CR1: variants seen among roughly 807,000 people sequenced by gnomAD.
CR1 encodes the protein complement C3b/C4b receptor 1 (Knops blood group).
In CR1, 116 loss-of-function variants were observed where a neutral mutation model predicts 187.3. The observed-to-expected ratio is 0.62, with a 90% CI of 0.53 to 0.72. The LOEUF is 0.72. CR1 is among the 30% of genes least tolerant of loss of function. The pLI, the probability that CR1 is intolerant of heterozygous loss-of-function variation, is 0.00. For missense variants in CR1, 1,731 were observed against 2,110.7 expected, an observed-to-expected ratio of 0.82 and a Z score of 3.52; for synonymous variants, 576 against 747.1, an observed-to-expected ratio of 0.77 and a Z score of 3.73.
rs545912207 is a variant in CR1 at position 207,574,100 on chromosome 1, C to A, written c.4452-1495C>A. ...GTGAGCCTTGATGGCAACCTGCACT[C>A]CAGCCTGGATGACAGAATGAGACCC... On this transcript the variant is annotated intron_variant, in intron 27 of 46. Transcript: ENST00000367049. 4.1e-4 allele frequency among the ~76,000 whole-genome samples: 62 copies of A among 152,230 alleles called. 1 individual carries two copies. The highest frequency in any genetic ancestry group is 1.5e-3 in the African/African-American group (61 of 41,526).
chr1:207,521,542 A>G lies in CR1; in HGVS notation c.488-2069A>G, dbSNP rs139099153. On this transcript the variant is annotated intron_variant, in intron 4 of 46. Transcript: ENST00000367049. ...TCTTTCAGAGTCTAACCTGCTATTA[A>G]TCTCACACAAATTCTTAATTTCAGC... is the stretch of plus-strand genomic sequence containing the variant. Among the ~76,000 whole-genome samples, 6 of 150,428 alleles carry G rather than the reference A, an allele frequency of 4.0e-5. No individual in the cohort carries two copies. In the East Asian group the frequency reaches 1.2e-3, roughly 29 times the overall value.
chr1:207,577,450 T>A (rs780767824), intron 28 of CR1, among the ~76,000 whole-genome samples: 4 of 152,086 alleles, frequency 2.6e-5, no homozygotes, highest in Non-Finnish European at 5.9e-5. Context: ...ACAAAACTGT[T>A]AGCAAAATTT....
At chr1:207,602,356 A>G (rs1661630177) in intron 35 of CR1, among the ~76,000 whole-genome samples, 1 of 152,284 alleles carries the variant, frequency 6.6e-6, no homozygotes, top group East Asian at 1.9e-4. Context: ...TCTCTGGCTC[A>G]TTTGCTAATA....
chr1:207,622,103 A>C, intron 44 of CR1, 107 bp downstream of exon 44: 1 of 793,656 alleles, frequency 1.3e-6, no homozygotes, highest in South Asian at 2.1e-5. Context: ...CTTGAGGTGT[A>C]AAGAGATCAA....
chr1:207,512,075 A>G (rs2102289471), intron 4 of CR1, among the ~76,000 whole-genome samples: 1 of 152,356 alleles, frequency 6.6e-6, no homozygotes, highest in East Asian at 1.9e-4. Context: ...GGCCCCATGC[A>G]CTATAAACCT....
rs1174465464 is a variant in CR1, at chr1:207,612,001, C to G, written c.6535C>G (p.Leu2179Val). Residue 2179 changes from leucine to valine, a missense_variant, in exon 39 of 47, where the codon CTC (leucine) becomes GTC (valine). By Grantham distance (32) the Leu-to-Val change is conservative. This residue lies in a region of CR1 where 1,312 missense variants were observed against 1,379.6 expected (regional missense o/e 0.95). Transcript: ENST00000367049. ...PHGRVLLPLN[L>V]QLGAKVSFVC... Reference sequence around the variant, plus strand: ...TGGCCGTGTGCTACTTCCACTTAATCTCCAGCTTGGGGCAAAGGTGTCCTT... The same window carrying G: ...TGGCCGTGTGCTACTTCCACTTAATGTCCAGCTTGGGGCAAAGGTGTCCTT... The G allele has an allele frequency of 6.2e-7, 1 of 1,614,010 alleles. No individual in the cohort carries two copies. Among genetic ancestry groups the G allele is most frequent in the East Asian group, 2.2e-5 (1 of 44,876 alleles).
At chr1:207,574,051 T>A (rs1660659208) in intron 27 of CR1, among the ~76,000 whole-genome samples, 1 of 152,198 alleles carries the variant, frequency 6.6e-6, no homozygotes, top group Non-Finnish European at 1.5e-5. Flanking sequence ...GAGGATCACC[T>A]GAGCCCAGGA....
At chr1:207,615,537 T>C (rs1479974125) in intron 40 of CR1, among the ~76,000 whole-genome samples, 1 of 152,220 alleles carries the variant, frequency 6.6e-6, no homozygotes, top group Non-Finnish European at 1.5e-5. Context: ...AACTCTTAGA[T>C]AAAAGTACAT....
intron 39 of CR1, among the ~76,000 whole-genome samples, chr1:207,613,232 G>A (rs1661991249): frequency 6.6e-6 from 1 of 152,188 alleles, no homozygotes; most frequent in South Asian, 2.1e-4. Flanking sequence ...ACACGAGGGT[G>A]GACCCCAGAT....
chr1:207,587,482 G>A lies in CR1; in HGVS notation c.5627G>A (p.Cys1876Tyr), dbSNP rs376393868. 2 of 1,613,982 alleles carry A rather than the reference G, an allele frequency of 1.2e-6. No homozygotes were observed. The highest frequency in any genetic ancestry group is 1.7e-6 in the Non-Finnish European group (2 of 1,179,842). ...FPVGTSLNYE[C>Y]RPGYFGKMFS... ...GTCGGGACATCTTTGAATTATGAATGCCGTCCTGGGTATTTTGGGAAAATG... is the reference window on the plus strand; with the variant it reads ...GTCGGGACATCTTTGAATTATGAATACCGTCCTGGGTATTTTGGGAAAATG... Residue 1876 changes from cysteine to tyrosine, a missense_variant, in exon 34 of 47, where the codon TGC becomes TAC. By Grantham distance (194) the Cys-to-Tyr change is radical (BLOSUM62 -2). Around this residue, in one of 5 missense-constraint regions of CR1, gnomAD observed 1,312 missense variants for 1,379.6 expected, o/e 0.95. Transcript: ENST00000367049.
intron 46 of CR1, among the ~76,000 whole-genome samples, chr1:207,637,450 C>T (rs1366424597): frequency 6.6e-6 from 1 of 152,132 alleles, no homozygotes; most frequent in Non-Finnish European, 1.5e-5. Context: ...GCAAGGTTTC[C>T]CTTTAGGTCT....
intron 29 of CR1, among the ~76,000 whole-genome samples, chr1:207,578,638 AT>A (rs1401230006): frequency 6.6e-6 from 1 of 152,236 alleles, no homozygotes; most frequent in Admixed American, 6.5e-5. Context: ...CAGAGGTTAA[AT>A]AAATTAGCTA....
intron 35 of CR1, 110 bp from the exon 36 acceptor site, chr1:207,607,141 T>C (rs1403410466): frequency 2.6e-6 from 2 of 773,504 alleles, no homozygotes; most frequent in South Asian, 1.7e-5. Context: ...AGGTCTGCCA[T>C]GGTGTAATCT....
At chr1:207,614,812 A>AATTTTT (rs1192072379) in intron 40 of CR1, among the ~76,000 whole-genome samples, 4 of 151,992 alleles carry the variant, frequency 2.6e-5, no homozygotes, top group East Asian at 1.9e-4. Context: ...ATCTTTCTTA[A>AATTTTT]ATTTTTATTT....
intron 35 of CR1, among the ~76,000 whole-genome samples, chr1:207,598,035 A>G (rs1414210818): frequency 6.6e-6 from 1 of 152,238 alleles, no homozygotes; most frequent in African/African-American, 2.4e-5. Context: ...ATGAGGTGCC[A>G]AAAATAAGAA....
intron 31 of CR1, 143 bp from the exon 32 acceptor site, chr1:207,581,771 AAGTG>A: frequency 6.1e-6 from 3 of 493,308 alleles, no homozygotes; most frequent in Non-Finnish European, 1.1e-5. Flanking sequence ...ATGAGAAACT[AAGTG>A]AGTTGAGTGT....
chr1:207,578,018 T>C lies in CR1; in HGVS notation c.4751T>C (p.Ile1584Thr), dbSNP rs1052621279. 8.7e-6 allele frequency: 14 copies of C among 1,611,644 alleles called. No homozygotes were observed. Among genetic ancestry groups the C allele is most frequent in the Non-Finnish European group, 1.0e-5 (12 of 1,179,664 alleles). ...AGCGGCCCCGCCCCTCAGTGCATTA[T>C]ACCTAACAAATGCACGCCTCCAAAT... ...IWSGPAPQCI[I>T]PNKCTPPNVE... The change falls in exon 29 of 47, where the codon ATA becomes ACA. Residue 1584 changes from isoleucine (I) to threonine (T), a missense_variant. Coordinates refer to ENST00000367049, the MANE Select transcript of CR1 (RefSeq NM_000651.6).
chr1:207,514,260 A>G (rs1659715431), intron 4 of CR1, among the ~76,000 whole-genome samples: 1 of 152,172 alleles, frequency 6.6e-6, no homozygotes, highest in Non-Finnish European at 1.5e-5. Context: ...AGATGTTTCT[A>G]TTAAAATATA....
chr1:207,579,059 G>T lies in CR1; in HGVS notation c.4936+856G>T, dbSNP rs1571552718. 3.9e-5 allele frequency among the ~76,000 whole-genome samples: 6 copies of T among 152,290 alleles called. No homozygotes were observed. The East Asian group carries it at 1.2e-3, about 29-fold the overall frequency. On this transcript the variant is annotated intron_variant, in intron 29 of 46. Coordinates refer to ENST00000367049, the MANE Select transcript of CR1 (RefSeq NM_000651.6). ...GTCAGTTAAATATTTCTAAATTCATGTTTAATGAGGTATAGATTAGGTTGA... is the reference window on the plus strand; with the variant it reads ...GTCAGTTAAATATTTCTAAATTCATTTTTAATGAGGTATAGATTAGGTTGA...
Sources: allele counts gnomAD v4.1 joint callset (sites outside exome capture counted in the v4.1 genomes callset), GRCh38; gene constraint gnomAD v4.1.1; regional missense constraint gnomAD v4.1.1; transcripts MANE v1.5; gene names NCBI Gene and HGNC (gene_info 2026-07-23, HGNC 2026-07-21).